The following CD5 variants were observed in gnomAD, a reference collection of about 807,000 sequenced individuals.
The protein encoded by CD5 is CD5 molecule.
CD5 carries 36 observed loss-of-function variants against 60.3 expected under a neutral mutation model. That is an observed-to-expected ratio of 0.60 (90% CI 0.46 to 0.79). The LOEUF (loss-of-function observed/expected upper bound fraction) is 0.79, where lower values mean the gene tolerates loss of function less well. Among genes scored for constraint, CD5 ranks in the 30% least tolerant of loss-of-function variants. The probability of loss-of-function intolerance (pLI) is 0.00; values close to 1 mark genes in which losing one functional copy is unlikely to be tolerated. For missense variants in CD5, 540 were observed against 630.6 expected, an observed-to-expected ratio of 0.86 and a Z score of 1.54; for synonymous variants, 230 against 257.6, an observed-to-expected ratio of 0.89 and a Z score of 1.03.
At chr11:61,097,733 T>G (rs996008806), upstream of CD5, among the ~76,000 whole-genome samples, 3 of 152,228 alleles carry the variant, frequency 2.0e-5, no homozygotes, top group African/African-American at 7.2e-5. Flanking sequence ...ATTGGAAAGA[T>G]GATGAATGGC....
the CD5 span, among the ~76,000 whole-genome samples, chr11:61,097,437 G>C: frequency 1.3e-5 from 2 of 152,348 alleles, no homozygotes; most frequent in South Asian, 4.1e-4. Context: ...CACAGAAACA[G>C]TCACTTGGTG....
At chr11:61,110,872 G>A (rs893192369) in intron 1 of CD5, among the ~76,000 whole-genome samples, 3 of 152,120 alleles carry the variant, frequency 2.0e-5, no homozygotes, top group Non-Finnish European at 4.4e-5. Context: ...TGACAGTGAT[G>A]GTGATGATGA....
At chr11:61,114,033 T>C (rs139166953) in intron 1 of CD5, among the ~76,000 whole-genome samples, 140 of 152,136 alleles carry the variant, frequency 9.2e-4, no homozygotes, top group Non-Finnish European at 1.2e-3. Flanking sequence ...AGTGGAAACA[T>C]GCGGGACATT....
chr11:61,095,698 G>A, the CD5 span, among the ~76,000 whole-genome samples: 2 of 152,230 alleles, frequency 1.3e-5, no homozygotes, highest in South Asian at 4.2e-4. Flanking sequence ...AGGCTAAGAC[G>A]GTACCGTGAG....
Position 61,118,563 on chromosome 11 carries a change from C to A in CD5, c.400+83C>A. 1.4e-6 allele frequency: 2 copies of A among 1,395,998 alleles called. No individual in the cohort carries two copies. The highest frequency in any genetic ancestry group is 2.0e-6 in the Non-Finnish European group (2 of 1,015,076). 86.5% of individuals were successfully genotyped at this position (1,395,998 alleles called of 1,614,324 possible). On this transcript the variant is annotated intron_variant, in intron 3 of 10. Coordinates refer to ENST00000347785, the MANE Select transcript of CD5 (RefSeq NM_014207.4). This position sits in a 1 kb window ranked among gnomAD's most constrained non-coding sequence, Gnocchi z 4.7. ...CTGCCCGAGGCCTGTGATCTAGGGT[C>A]TGAGCAGGCTGGTGGAAGGGGTGGG...
At chr11:61,113,670 C>T (rs1860891831) in intron 1 of CD5, among the ~76,000 whole-genome samples, 1 of 149,446 alleles carries the variant, frequency 6.7e-6, no homozygotes, top group Non-Finnish European at 1.5e-5. Context: ...TCTTTCTTTC[C>T]TTTTTTTTTT....
Position 61,116,165 on chromosome 11 carries a change from C to A in CD5, c.94+1071C>A, listed in dbSNP as rs1358465523. ...CCCCCTCAGAATCACCTGGGAGAGC[C>A]TTTCACATTTCTAAAAATTTCTTGA... On this transcript the variant is annotated intron_variant, in intron 2 of 10. Transcript: ENST00000347785. Among the ~76,000 whole-genome samples, 61 of 152,178 alleles carry A rather than the reference C, an allele frequency of 4.0e-4. 1 individual carries two copies. Among genetic ancestry groups the A allele is most frequent in the Non-Finnish European group, 7.4e-5 (5 of 68,006 alleles).
Position 61,107,983 on chromosome 11 carries a change from C to T in CD5, c.55+5368C>T, listed in dbSNP as rs186069710. ...GGGGCCTCCCTGGGGTAGACTCCCA[C>T]AGGCCCTGTCAGGTGATGGAGACAG... is the stretch of plus-strand genomic sequence containing the variant. On this transcript the variant is annotated intron_variant, in intron 1 of 10. Coordinates refer to ENST00000347785, the MANE Select transcript of CD5 (RefSeq NM_014207.4). Among the ~76,000 whole-genome samples, 39 of 152,276 alleles carry T rather than the reference C, an allele frequency of 2.6e-4. No homozygotes were observed. The East Asian group carries it at 7.1e-3, about 28-fold the overall frequency.
the CD5 span, among the ~76,000 whole-genome samples, chr11:61,095,020 T>C: frequency 5.9e-5 from 9 of 152,182 alleles, no homozygotes; most frequent in South Asian, 4.2e-4. Context: ...GCAGTACTAG[T>C]AGCAAAGGGA....
intron 10 of CD5, 39 bp downstream of exon 10, chr11:61,125,880 C>T: frequency 1.4e-6 from 2 of 1,446,538 alleles, no homozygotes; most frequent in Non-Finnish European, 9.5e-7. Flanking sequence ...ACCCCAGGGT[C>T]CCCCACAGTC....
chr11:61,119,242 A>G lies in CD5; in HGVS notation c.472A>G (p.Arg158Gly). 1 of 1,597,874 alleles carries G rather than the reference A, an allele frequency of 6.3e-7. No homozygotes were observed. The highest frequency in any genetic ancestry group is 1.1e-5 in the South Asian group (1 of 89,098). ...TTTPEPTAPP[R>G]LQLVAQSGGQ... ...GCTCTCTCCTCTCCTAGCTCCTCCCAGGCTGCAGCTGGTGGCACAGTCTGG... is the reference window on the plus strand; with the variant it reads ...GCTCTCTCCTCTCCTAGCTCCTCCCGGGCTGCAGCTGGTGGCACAGTCTGG... The change falls in exon 5 of 11, where the codon AGG becomes GGG. Residue 158 changes from arginine (R) to glycine (G), a missense_variant. By Grantham distance (125) the Arg-to-Gly change is moderately radical (BLOSUM62 -2). Coordinates refer to ENST00000347785, the MANE Select transcript of CD5 (RefSeq NM_014207.4).
At chr11:61,100,701 A>ATT (rs1555009175), upstream of CD5, among the ~76,000 whole-genome samples, 1 of 140,718 alleles carries the variant, frequency 7.1e-6, no homozygotes, top group Admixed American at 6.9e-5. Flanking sequence ...TGGAGATCAC[A>ATT]AACACACATC....
intron 6 of CD5, among the ~76,000 whole-genome samples, chr11:61,122,441 G>A (rs1861080379): frequency 6.6e-6 from 1 of 150,986 alleles, no homozygotes; most frequent in Non-Finnish European, 1.5e-5. Context: ...GTGGATGGAT[G>A]GATGGTTGGA....
chr11:61,123,618 T>C (rs1422786456), intron 7 of CD5, among the ~76,000 whole-genome samples: 2 of 152,140 alleles, frequency 1.3e-5, no homozygotes, highest in African/African-American at 4.8e-5. Flanking sequence ...TCTAAACGCC[T>C]GTGGTCTTTT....
At chr11:61,096,355 C>A in the CD5 span, among the ~76,000 whole-genome samples, 1 of 152,208 alleles carries the variant, frequency 6.6e-6, no homozygotes, top group South Asian at 2.1e-4. Context: ...GGCGCAAGCA[C>A]CCCCAAGGAG....
chr11:61,096,682 C>T, the CD5 span, among the ~76,000 whole-genome samples: 1 of 152,212 alleles, frequency 6.6e-6, no homozygotes, highest in Non-Finnish European at 1.5e-5. Flanking sequence ...TTACCAGCAA[C>T]AGGAGTTATC....
chr11:61,101,368 C>A (rs1241901438), upstream of CD5, among the ~76,000 whole-genome samples: 3 of 91,034 alleles, frequency 3.3e-5, no homozygotes, highest in Non-Finnish European at 6.8e-5. Context: ...GGAGATCACA[C>A]ACACACATCA....
chr11:61,126,081 G>A (rs943121086), intron 10 of CD5, among the ~76,000 whole-genome samples: 25 of 152,216 alleles, frequency 1.6e-4, no homozygotes, highest in Non-Finnish European at 3.5e-4. Context: ...AACTCCATTC[G>A]GAAGGCCACA....
At chr11:61,108,456 CG>C (rs1415643513) in intron 1 of CD5, among the ~76,000 whole-genome samples, 2 of 152,146 alleles carry the variant, frequency 1.3e-5, no homozygotes, top group Non-Finnish European at 2.9e-5. Context: ...ACATAAAAGC[CG>C]CCTAATCATA....
Sources: gnomAD v4.1 joint callset for allele counts (sites outside exome capture counted in the v4.1 genomes callset) on GRCh38, gnomAD v4.1.1 for gene constraint, Gnocchi (gnomAD v3.1) non-coding constraint, MANE v1.5 for transcripts, NCBI Gene and HGNC (gene_info 2026-07-23, HGNC 2026-07-21) for gene names.